TYMS: variants seen among roughly 807,000 people sequenced by gnomAD.
TYMS encodes the protein thymidylate synthase.
In TYMS, 21 loss-of-function variants were observed where a neutral mutation model predicts 39.3. The observed-to-expected ratio is 0.54, with a 90% CI of 0.38 to 0.77. The LOEUF is 0.77. TYMS is among the 30% of genes least tolerant of loss of function. TYMS has a pLI of 0.00. For missense variants in TYMS, 273 were observed against 406.7 expected, an observed-to-expected ratio of 0.67 and a Z score of 2.83; for synonymous variants, 171 against 162.2, an observed-to-expected ratio of 1.05 and a Z score of -0.41.
At chr18:671,485 A>G (rs1465839957) in intron 6 of TYMS, 34 bp downstream of exon 6, 5 of 1,386,716 alleles carry the variant, frequency 3.6e-6, no homozygotes, top group Non-Finnish European at 5.1e-6. Flanking sequence ...TGGGTTTGGT[A>G]CCTTCTCTTG....
At chr18:663,656 C>T (rs2074779059) in intron 3 of TYMS, among the ~76,000 whole-genome samples, 2 of 98,558 alleles carry the variant, frequency 2.0e-5, no homozygotes, top group African/African-American at 5.8e-5. Flanking sequence ...TTAGGTCTAA[C>T]GTTTAAGTCT....
intron 3 of TYMS, among the ~76,000 whole-genome samples, chr18:664,937 A>T (rs200764006): frequency 0.49 from 58,912 of 120,936 alleles, 15,669 homozygotes; most frequent in African/African-American, 0.72. Context: ...TTATTGAGGA[A>T]TTTTGCATCA....
chr18:662,369 ATG>A (rs1386381363), intron 3 of TYMS, 49 bp downstream of exon 3: 1 of 1,535,652 alleles, frequency 6.5e-7, no homozygotes, highest in African/African-American at 1.4e-5. Flanking sequence ...CCTTCCTAGC[ATG>A]TGTTTGCTCC....
Position 670,700 on chromosome 18 carries a change from C to T in TYMS, c.565C>T (p.Leu189=). ...MCAWNPRDLP[L]MALPPCHALC... ...CTCTGCTGGTTCCTCAGATCTTCCT[C>T]TGATGGCGCTGCCTCCATGCCATGC... is the stretch of plus-strand genomic sequence containing the variant. The change falls in exon 5 of 7, where the codon CTG becomes TTG. Residue 189 remains leucine (L), a synonymous_variant. Transcript: ENST00000323274. 6.2e-7 allele frequency: 1 copy of T among 1,613,988 alleles called. No homozygotes were observed. The highest frequency in any genetic ancestry group is 8.5e-7 in the Non-Finnish European group (1 of 1,179,954).
chr18:659,546 G>A (rs1469368358), intron 1 of TYMS, 95 bp from the exon 2 acceptor site: 1 of 1,030,498 alleles, frequency 9.7e-7, no homozygotes, highest in Non-Finnish European at 1.5e-6. Context: ...GATGCTCCAG[G>A]GCCTCACGTC....
Position 658,551 on chromosome 18 carries a change from CGTCCTTTCCTCT to C in TYMS, c.205+605_205+616del. 6.9e-6 allele frequency: 2 copies of C among 290,242 alleles called. No individual in the cohort carries two copies. The highest frequency in any genetic ancestry group is 6.6e-6 in the Non-Finnish European group (1 of 152,444). The allele number at this position is 290,242 out of a possible 1,614,324, so 18.0% of individuals were successfully genotyped here. ...GGGAGTTCGAGTATAAGTTCTTAGT[CGTCCTTTCCTCT>C]TTCCTTTCCGACAGGAGCACCCCAG... On this transcript the variant is annotated intron_variant, in intron 1 of 6. Transcript: ENST00000323274. The surrounding 1 kb of genome is among the most constrained non-coding windows in gnomAD (Gnocchi z 4.5).
intron 3 of TYMS, among the ~76,000 whole-genome samples, chr18:667,990 G>A (rs1456823555): frequency 2.4e-5 from 2 of 83,938 alleles, no homozygotes; most frequent in East Asian, 7.4e-4. Flanking sequence ...AGATTCACAG[G>A]AATTTTTTTT....
intron 2 of TYMS, among the ~76,000 whole-genome samples, chr18:661,799 A>G (rs751300637): frequency 2.0e-5 from 3 of 152,240 alleles, no homozygotes; most frequent in Non-Finnish European, 4.4e-5. Flanking sequence ...CAGCCTGACC[A>G]ACATGGAGAA....
chr18:664,543 T>G (rs1421630071), intron 3 of TYMS, among the ~76,000 whole-genome samples: 2 of 136,772 alleles, frequency 1.5e-5, no homozygotes, highest in African/African-American at 6.0e-5. Context: ...GGCCAGAACT[T>G]CCAACACTAT....
chr18:670,489 A>G, intron 4 of TYMS: 1 of 572,878 alleles, frequency 1.7e-6, no homozygotes, highest in East Asian at 2.9e-5. Context: ...GGACACCTGC[A>G]GAAACCTTGC....
chr18:668,525 T>C (rs1278578842), intron 3 of TYMS, among the ~76,000 whole-genome samples: 1 of 152,200 alleles, frequency 6.6e-6, no homozygotes, highest in Non-Finnish European at 1.5e-5. Flanking sequence ...TGTGTTGAGC[T>C]GCTAAACTCT....
intron 3 of TYMS, among the ~76,000 whole-genome samples, chr18:665,353 T>C (rs2074799569): frequency 1.3e-5 from 2 of 151,068 alleles, no homozygotes; most frequent in East Asian, 4.0e-4. Context: ...TTCTGTGGGA[T>C]TGGTGGTGAT....
At chr18:662,027 C>T (rs1567987259) in intron 2 of TYMS, 119 bp from the exon 3 acceptor site, 6 of 1,094,680 alleles carry the variant, frequency 5.5e-6, no homozygotes, top group Non-Finnish European at 7.7e-6. Context: ...GTGTCAAGTG[C>T]CCACCTCCTA....
Position 660,046 on chromosome 18 carries a change from C to T in TYMS, c.279+332C>T, listed in dbSNP as rs964655170. On this transcript the variant is annotated intron_variant, in intron 2 of 6. Transcript: ENST00000323274. This position sits in a 1 kb window ranked among gnomAD's most constrained non-coding sequence, Gnocchi z 4.6. ...TCGTGGCACTGTACTCCAGCCTGGG[C>T]GACAGAGGGAGAACCCATGTCAAAA... 3.3e-5 allele frequency among the ~76,000 whole-genome samples: 5 copies of T among 152,094 alleles called. No individual in the cohort carries two copies. The highest frequency in any genetic ancestry group is 6.6e-5 in the Admixed American group (1 of 15,262).
chr18:660,441 GA>G lies in TYMS; in HGVS notation c.279+728del, dbSNP rs66567989. On this transcript the variant is annotated intron_variant, in intron 2 of 6. Transcript: ENST00000323274. This position sits in a 1 kb window ranked among gnomAD's most constrained non-coding sequence, Gnocchi z 4.6. ...CTTTCCCTTCCCCTGTTAGAAGGGG[GA>G]CAGCAGGTAGTAAAAGTGAAATGTG... 0.11 allele frequency among the ~76,000 whole-genome samples: 17,029 copies of G among 152,240 alleles called. 1,124 individuals are homozygous for G. Among genetic ancestry groups the G allele is most frequent in the Non-Finnish European group, 0.15 (10,019 of 67,990 alleles).
Position 658,026 on chromosome 18 carries a change from G to T in TYMS, c.205+79G>T. 6.5e-7 allele frequency: 1 copy of T among 1,534,982 alleles called. No homozygotes were observed. On this transcript the variant is annotated intron_variant, in intron 1 of 6. Coordinates refer to ENST00000323274, the MANE Select transcript of TYMS (RefSeq NM_001071.4). The surrounding 1 kb of genome is among the most constrained non-coding windows in gnomAD (Gnocchi z 4.5). Reference sequence around the variant, plus strand: ...GGGGAGAGCGCTCGGGAGCTGCCGGGCGCTGCGGACCCCGTTTAGTCCTAA... The same window carrying T: ...GGGGAGAGCGCTCGGGAGCTGCCGGTCGCTGCGGACCCCGTTTAGTCCTAA...
In TYMS at chr18:673,068, C is replaced by A; in HGVS notation, c.*71C>A. 2.1e-6 allele frequency: 3 copies of A among 1,422,534 alleles called. No individual in the cohort carries two copies. Among genetic ancestry groups the A allele is most frequent in the South Asian group, 1.8e-5 (1 of 55,540 alleles). The allele number at this position is 1,422,534 out of a possible 1,614,324, so 88.1% of individuals were successfully genotyped here. ...TGGGCTGGATGCCGAGGTAAAAGTT[C>A]TTTTTGCTCTAAAAGAAAAAGGAAC... On this transcript the variant is annotated 3_prime_UTR_variant, in exon 7 of 7. Coordinates refer to ENST00000323274, the MANE Select transcript of TYMS (RefSeq NM_001071.4).
chr18:668,706 C>T (rs954411845), intron 3 of TYMS, among the ~76,000 whole-genome samples: 1 of 152,134 alleles, frequency 6.6e-6, no homozygotes. Flanking sequence ...TGACAAGAAT[C>T]GCTGATGGGT....
chr18:658,006 G>T lies in TYMS; in HGVS notation c.205+59G>T, dbSNP rs1489623744. On this transcript the variant is annotated intron_variant, in intron 1 of 6. Coordinates refer to ENST00000323274, the MANE Select transcript of TYMS (RefSeq NM_001071.4). This position sits in a 1 kb window ranked among gnomAD's most constrained non-coding sequence, Gnocchi z 4.5. Reference sequence around the variant, plus strand: ...GGAAGGAGGGAGGCGCGGCTGGGGAGAGCGCTCGGGAGCTGCCGGGCGCTG... The same window carrying T: ...GGAAGGAGGGAGGCGCGGCTGGGGATAGCGCTCGGGAGCTGCCGGGCGCTG... 1.3e-6 allele frequency: 2 copies of T among 1,519,558 alleles called. No homozygotes were observed. Among genetic ancestry groups the T allele is most frequent in the Admixed American group, 2.1e-5 (1 of 46,862 alleles). 94.1% of individuals were successfully genotyped at this position (1,519,558 alleles called of 1,614,324 possible).
Sources: gnomAD v4.1 joint callset for allele counts (sites outside exome capture counted in the v4.1 genomes callset) on GRCh38, gnomAD v4.1.1 for gene constraint, Gnocchi (gnomAD v3.1) non-coding constraint, MANE v1.5 for transcripts, NCBI Gene and HGNC (gene_info 2026-07-23, HGNC 2026-07-21) for gene names.